The following ACTN1 variants were observed in gnomAD, a reference collection of about 807,000 sequenced individuals.
ACTN1 encodes the protein alpha-actinin-1.
A neutral mutation model predicts 119.6 loss-of-function variants in ACTN1; 30 were observed. That is an observed-to-expected ratio of 0.25 (90% confidence interval 0.19 to 0.34). ACTN1 has a LOEUF of 0.34. Ranked by LOEUF, ACTN1 falls within the 10% of genes least tolerant of loss-of-function variation. The pLI, the probability that ACTN1 is intolerant of heterozygous loss-of-function variation, is 1.00. For missense variants in ACTN1, 764 were observed against 1,223.4 expected, an observed-to-expected ratio of 0.62 and a Z score of 5.60; for synonymous variants, 429 against 472.6, an observed-to-expected ratio of 0.91 and a Z score of 1.20.
intron 8 of ACTN1, among the ~76,000 whole-genome samples, chr14:68,901,543 G>A (rs373744956): frequency 1.5e-4 from 23 of 152,062 alleles, no homozygotes; most frequent in East Asian, 3.9e-4. Flanking sequence ...CCACCAGCCC[G>A]GCCTCATCAT....
Position 68,911,089 on chromosome 14 carries a change from G to A in ACTN1, c.428-1047C>T, listed in dbSNP as rs188441168. ...TACTCAGTGGACTGTGTTCATGAATGATCTCATTTATTTTCAACACACAAA... is the reference window on the plus strand; with the variant it reads ...TACTCAGTGGACTGTGTTCATGAATAATCTCATTTATTTTCAACACACAAA... On this transcript the variant is annotated intron_variant, in intron 4 of 21. Transcript: ENST00000394419. 5.9e-5 allele frequency among the ~76,000 whole-genome samples: 9 copies of A among 152,326 alleles called. No homozygotes were observed. In the East Asian group the frequency reaches 1.7e-3, roughly 29 times the overall value.
At chr14:68,952,746 C>T (rs1395285142) in intron 1 of ACTN1, among the ~76,000 whole-genome samples, 2 of 152,174 alleles carry the variant, frequency 1.3e-5, no homozygotes, top group African/African-American at 4.8e-5. Context: ...TGCCAAACCT[C>T]ACTTGAAGGC....
rs777241296 is a variant in ACTN1 at position 68,902,595 on chromosome 14, G to A, written c.677-33C>T. On this transcript the variant is annotated intron_variant, in intron 7 of 21. Transcript: ENST00000394419. ...GAAAAATCTGGAGTTAAAGCCAGCT[G>A]GTTCCAAGAACACCATACACCCCCG... 15 of 1,593,256 alleles carry A rather than the reference G, an allele frequency of 9.4e-6. 1 individual carries two copies. The highest frequency in any genetic ancestry group is 8.8e-5 in the South Asian group (8 of 90,574).
intron 7 of ACTN1, among the ~76,000 whole-genome samples, chr14:68,903,371 C>T (rs761512592): frequency 1.3e-5 from 2 of 152,052 alleles, no homozygotes; most frequent in African/African-American, 2.4e-5. Flanking sequence ...GGTGAAACCC[C>T]GTCTCTACTA....
In ACTN1 at chr14:68,877,194, C is replaced by T. The variant is rs201193955; in HGVS notation, c.2474G>A (p.Arg825His). 1.8e-5 allele frequency: 29 copies of T among 1,614,042 alleles called. No homozygotes were observed. Among genetic ancestry groups the T allele is most frequent in the Admixed American group, 6.7e-5 (4 of 59,998 alleles). The change falls in exon 21 of 22, where the codon CGC becomes CAC. Residue 825 changes from arginine (R) to histidine (H), a missense_variant. Arg to His is a conservative substitution (Grantham distance 29). Transcript: ENST00000394419. ...GGCCTGGAATGTCACTACCCCCAGG[C>T]GGTTGGGGTCCACAATGCTCATGAT... ...ARIMSIVDPN[R>H]LGVVTFQAFI...
At chr14:68,962,322 G>A (rs2036565976) in intron 1 of ACTN1, among the ~76,000 whole-genome samples, 1 of 152,118 alleles carries the variant, frequency 6.6e-6, no homozygotes, top group African/African-American at 2.4e-5. Flanking sequence ...GCTCGCAGGT[G>A]GAGTGAGCTC....
In ACTN1 at chr14:68,882,788, G is replaced by T; in HGVS notation, c.1818+85C>A. On this transcript the variant is annotated intron_variant, in intron 15 of 21. Coordinates refer to ENST00000394419, the MANE Select transcript of ACTN1 (RefSeq NM_001130004.2). The surrounding 1 kb of genome is among the most constrained non-coding windows in gnomAD (Gnocchi z 4.5). The stretch of plus-strand genomic sequence containing the variant: ...TGTTTACTATATGACAATTTTAAAT[G>T]AAATTGACAAAAATCAATTAAAATG... The T allele has an allele frequency of 1.3e-6, 2 of 1,552,710 alleles. No homozygotes were observed. The highest frequency in any genetic ancestry group is 1.2e-5 in the South Asian group (1 of 85,234).
chr14:68,890,890 A>G (rs2032426362), intron 10 of ACTN1, among the ~76,000 whole-genome samples: 1 of 152,172 alleles, frequency 6.6e-6, no homozygotes, highest in African/African-American at 2.4e-5. Context: ...GCCCAGCTGG[A>G]CAGTCACTGG....
chr14:68,969,475 G>A (rs1383874436), intron 1 of ACTN1, among the ~76,000 whole-genome samples: 1 of 152,236 alleles, frequency 6.6e-6, no homozygotes, highest in African/African-American at 2.4e-5. Context: ...TCGGGAACTC[G>A]ACTGGAAAGC....
intron 8 of ACTN1, among the ~76,000 whole-genome samples, chr14:68,898,391 C>A (rs921640401): frequency 2.6e-5 from 4 of 152,246 alleles, no homozygotes; most frequent in African/African-American, 9.6e-5. Flanking sequence ...ACTTATTATA[C>A]AGCACGTGCC....
At chr14:68,899,034 CACACAT>C (rs2033090190) in intron 8 of ACTN1, among the ~76,000 whole-genome samples, 2 of 106,976 alleles carry the variant, frequency 1.9e-5, no homozygotes, top group African/African-American at 8.6e-5. Flanking sequence ...ACCACACACA[CACACAT>C]GCCACACCTC....
chr14:68,908,371 C>A lies in ACTN1; in HGVS notation c.594+947G>T, dbSNP rs542843198. ...CTCTCCTGGCCACTGAGAAGCAAGA[C>A]GCCCTTCCTGGAGGCCCAGGCAAGG... On this transcript the variant is annotated intron_variant, in intron 6 of 21. Coordinates refer to ENST00000394419, the MANE Select transcript of ACTN1 (RefSeq NM_001130004.2). 3.3e-5 allele frequency among the ~76,000 whole-genome samples: 5 copies of A among 152,324 alleles called. No individual in the cohort carries two copies. The South Asian group carries it at 1.0e-3, about 32-fold the overall frequency.
At chr14:68,891,993 GA>G (rs1287518248) in intron 10 of ACTN1, 59 bp downstream of exon 10, 1 of 1,586,448 alleles carries the variant, frequency 6.3e-7, no homozygotes. Flanking sequence ...CCACAACTAG[GA>G]GCAGCTCAGA....
At chr14:68,912,364 T>G in intron 3 of ACTN1, 122 bp from the exon 4 acceptor site, 2 of 770,784 alleles carry the variant, frequency 2.6e-6, no homozygotes, top group Non-Finnish European at 4.4e-6. Context: ...GAGCTCTACT[T>G]CTAGAGGGAA....
chr14:68,889,721 T>C (rs752158439), intron 11 of ACTN1, among the ~76,000 whole-genome samples: 13 of 152,106 alleles, frequency 8.5e-5, no homozygotes, highest in Non-Finnish European at 1.5e-4. Flanking sequence ...GAAGTGGAGG[T>C]TGCAGTGAGC....
intron 8 of ACTN1, among the ~76,000 whole-genome samples, chr14:68,900,570 G>A (rs1274861082): frequency 6.6e-6 from 1 of 152,030 alleles, no homozygotes; most frequent in African/African-American, 2.4e-5. Flanking sequence ...CCTGGGATAA[G>A]GGCTCTTGAT....
chr14:68,911,047 T>C (rs1168636053), intron 4 of ACTN1, among the ~76,000 whole-genome samples: 1 of 152,206 alleles, frequency 6.6e-6, no homozygotes, highest in Non-Finnish European at 1.5e-5. Flanking sequence ...TTTGTGCCTG[T>C]GAATTGGAGG....
intron 8 of ACTN1, among the ~76,000 whole-genome samples, chr14:68,899,799 A>T (rs759043688): frequency 1.3e-5 from 2 of 152,168 alleles, no homozygotes; most frequent in Non-Finnish European, 2.9e-5. Flanking sequence ...AGAAGGAAGG[A>T]GCTTTGGGAA....
chr14:68,894,371 G>C (rs1053330109), intron 8 of ACTN1, among the ~76,000 whole-genome samples: 1 of 152,180 alleles, frequency 6.6e-6, no homozygotes, highest in Non-Finnish European at 1.5e-5. Context: ...AGCAAACCCA[G>C]CACAGGCCTC....
Sources: allele counts gnomAD v4.1 joint callset (sites outside exome capture counted in the v4.1 genomes callset), GRCh38; gene constraint gnomAD v4.1.1; non-coding constraint Gnocchi (gnomAD v3.1); transcripts MANE v1.5; gene names NCBI Gene and HGNC (gene_info 2026-07-23, HGNC 2026-07-21).